The following SCMH1 variants were observed in gnomAD, a reference collection of about 807,000 sequenced individuals.
SCMH1 encodes polycomb protein SCMH1.
SCMH1 carries 37 observed loss-of-function variants against 70.8 expected under a neutral mutation model. That is an observed-to-expected ratio of 0.52 (90% CI 0.40 to 0.69). The LOEUF (loss-of-function observed/expected upper bound fraction) is 0.69. SCMH1 is among the 30% of genes least tolerant of loss of function. SCMH1 has a pLI of 0.00. For synonymous variants in SCMH1, 292 were observed against 307.4 expected (o/e 0.95, Z 0.52); for missense variants, 607 against 827.3 (o/e 0.73, Z 3.27).
chr1:41,185,144 T>C (rs1649822959), intron 2 of SCMH1, among the ~76,000 whole-genome samples: 1 of 152,208 alleles, frequency 6.6e-6, no homozygotes, highest in South Asian at 2.1e-4. Flanking sequence ...ATCTTTGATA[T>C]TTCCATACTG....
At chr1:41,196,213 T>C (rs1174717127) in intron 1 of SCMH1, among the ~76,000 whole-genome samples, 1 of 151,998 alleles carries the variant, frequency 6.6e-6, no homozygotes, top group Non-Finnish European at 1.5e-5. Context: ...ATAGAAAAAG[T>C]TGTCCTAAAA....
At chr1:41,049,787 G>T (rs1647371905) in intron 10 of SCMH1, among the ~76,000 whole-genome samples, 1 of 146,034 alleles carries the variant, frequency 6.8e-6, no homozygotes, top group Admixed American at 7.1e-5. Flanking sequence ...AAAAAAATTG[G>T]GTGCAGTGGC....
chr1:41,046,719 C>T, intron 11 of SCMH1, 121 bp from the exon 12 acceptor site: 4 of 743,048 alleles, frequency 5.4e-6, no homozygotes, highest in East Asian at 2.7e-5. Flanking sequence ...GGAATCAGTG[C>T]CCCACGTTTC....
At chr1:41,152,213 T>C (rs985399283) in intron 4 of SCMH1, among the ~76,000 whole-genome samples, 1 of 152,126 alleles carries the variant, frequency 6.6e-6, no homozygotes, top group Non-Finnish European at 1.5e-5. Flanking sequence ...AGATTATAGT[T>C]GAATCCTCAC....
rs1288465499 is a variant in SCMH1 at position 41,101,030 on chromosome 1, A to T, written c.745+12253T>A. Among the ~76,000 whole-genome samples the T allele has an allele frequency of 2.1e-5, 3 of 146,326 alleles. No individual in the cohort carries two copies. The East Asian group carries it at 5.9e-4, about 29-fold the overall frequency. On this transcript the variant is annotated intron_variant, in intron 8 of 14. Coordinates refer to ENST00000337495, the Ensembl canonical transcript of SCMH1. Reference sequence around the variant, plus strand: ...AACCTGGGGTTGGGGAGGCGGGGAGAAAAAAAAAAAGAAGAGAGCTCAAGA... The same window carrying T: ...AACCTGGGGTTGGGGAGGCGGGGAGTAAAAAAAAAAGAAGAGAGCTCAAGA...
At chr1:41,200,563 GAATA>G (rs765467029) in intron 1 of SCMH1, among the ~76,000 whole-genome samples, 7 of 150,112 alleles carry the variant, frequency 4.7e-5, no homozygotes, top group Admixed American at 2.7e-4. Flanking sequence ...ACAGAGTTAG[GAATA>G]GATACTAAAA....
At chr1:41,142,801 T>C (rs1028265701) in intron 6 of SCMH1, 77 bp downstream of exon 6, 27 of 1,267,106 alleles carry the variant, frequency 2.1e-5, no homozygotes, top group East Asian at 1.2e-4. Context: ...CCCTAGGCTT[T>C]CCCATAATAG....
intron 1 of SCMH1, among the ~76,000 whole-genome samples, chr1:41,210,892 C>A (rs1656858515): frequency 6.6e-6 from 1 of 151,818 alleles, no homozygotes; most frequent in South Asian, 2.1e-4. Flanking sequence ...TCACTGCAAC[C>A]TCCGCCTCCC....
At chr1:41,160,773 G>A (rs1209195023) in intron 4 of SCMH1, 102 bp downstream of exon 4, 6 of 1,062,936 alleles carry the variant, frequency 5.6e-6, no homozygotes, top group Non-Finnish European at 8.5e-6. Flanking sequence ...CTGAGACAGA[G>A]ACACGTGGAA....
chr1:41,228,446 A>G (rs1660675759), intron 1 of SCMH1, among the ~76,000 whole-genome samples: 1 of 152,190 alleles, frequency 6.6e-6, no homozygotes, highest in Non-Finnish European at 1.5e-5. Context: ...ATAATTAAAG[A>G]AAACATTCTA....
chr1:41,210,090 A>G (rs1318109055), intron 1 of SCMH1, among the ~76,000 whole-genome samples: 2 of 152,212 alleles, frequency 1.3e-5, no homozygotes, highest in African/African-American at 4.8e-5. Flanking sequence ...CCAAATCATG[A>G]GTGAACTCCC....
intron 2 of SCMH1, among the ~76,000 whole-genome samples, chr1:41,164,502 C>T (rs370720648): frequency 3.9e-5 from 6 of 152,200 alleles, no homozygotes; most frequent in East Asian, 3.9e-4. Context: ...ACTTATTTCA[C>T]GACGGTAGAG....
chr1:41,181,522 T>C (rs989656478), intron 2 of SCMH1, among the ~76,000 whole-genome samples: 43 of 151,840 alleles, frequency 2.8e-4, no homozygotes, highest in Admixed American at 1.1e-3. Context: ...CACAACCCCA[T>C]CAAAAAGTGG....
chr1:41,200,302 C>T (rs1246950132), intron 1 of SCMH1, among the ~76,000 whole-genome samples: 1 of 151,800 alleles, frequency 6.6e-6, no homozygotes, highest in Admixed American at 6.6e-5. Context: ...ATGGTGAAAC[C>T]CCGTCTCTAC....
At chr1:41,136,265 A>C (rs1234378437) in intron 6 of SCMH1, among the ~76,000 whole-genome samples, 2 of 151,812 alleles carry the variant, frequency 1.3e-5, no homozygotes, top group African/African-American at 4.8e-5. Context: ...ATATCTGTTT[A>C]AATATTGTAA....
At chr1:41,147,243 CT>C (rs1644667978) in intron 5 of SCMH1, among the ~76,000 whole-genome samples, 1 of 152,144 alleles carries the variant, frequency 6.6e-6, no homozygotes, top group South Asian at 2.1e-4. Flanking sequence ...ACCCAGATCC[CT>C]TTTATTTCTT....
intron 2 of SCMH1, among the ~76,000 whole-genome samples, chr1:41,170,900 A>T (rs1262343597): frequency 6.6e-6 from 1 of 152,194 alleles, no homozygotes; most frequent in Non-Finnish European, 1.5e-5. Context: ...AATCCCACAC[A>T]CATTCACATA....
intron 5 of SCMH1, 33 bp from the exon 6 acceptor site, chr1:41,143,145 T>C: frequency 6.4e-7 from 1 of 1,568,166 alleles, no homozygotes. Flanking sequence ...TATAGACAGA[T>C]TAAGAGTAAA....
intron 3 of SCMH1, 64 bp downstream of exon 3, chr1:41,161,300 G>C (rs1572733239): frequency 6.5e-7 from 1 of 1,544,788 alleles, no homozygotes; most frequent in East Asian, 2.5e-5. Flanking sequence ...TAACAACGAA[G>C]GTTTTATGGG....
Sources: allele counts gnomAD v4.1 joint callset (sites outside exome capture counted in the v4.1 genomes callset), GRCh38; gene constraint gnomAD v4.1.1; transcripts MANE v1.5; gene names NCBI Gene and HGNC (gene_info 2026-07-23, HGNC 2026-07-21).